The following ERN1 variants were observed in gnomAD, a reference collection of about 807,000 sequenced individuals.
ERN1 encodes serine/threonine-protein kinase/endoribonuclease IRE1.
A neutral mutation model predicts 113.1 loss-of-function variants in ERN1; 39 were observed. The ratio of observed to expected loss-of-function variants is 0.34; its 90% CI spans 0.27 to 0.45. The LOEUF is 0.45. Ranked by LOEUF, ERN1 falls within the 20% of genes least tolerant of loss-of-function variation. The pLI is 1.00. For missense variants in ERN1, 976 were observed against 1,274.8 expected (o/e 0.77, Z 3.57); for synonymous variants, 507 against 515.9 (o/e 0.98, Z 0.23).
Position 64,044,084 on chromosome 17 carries a change from C to G in ERN1, c.2838G>C (p.Arg946=), listed in dbSNP as rs1286426176. Residue 946 remains arginine, a synonymous_variant, in exon 22 of 22, where the codon CGG becomes CGC. Transcript: ENST00000433197. The surrounding 1 kb of genome is among the most constrained non-coding windows in gnomAD (Gnocchi z 4.1). ...RFPHLLAHTY[R]AMELCSHERL... is the part of the protein sequence containing the mutation. The stretch of plus-strand genomic sequence containing the variant: ...TCTCGTGGCTGCACAGCTCCATGGC[C>G]CGGTAGGTGTGTGCGAGGAGGTGGG... The G allele has an allele frequency of 1.2e-6, 2 of 1,613,310 alleles. No homozygotes were observed. The highest frequency in any genetic ancestry group is 2.7e-5 in the African/African-American group (2 of 74,878).
chr17:64,078,653 G>A (rs1913672040), intron 4 of ERN1, among the ~76,000 whole-genome samples: 1 of 152,242 alleles, frequency 6.6e-6, no homozygotes, highest in South Asian at 2.1e-4. Context: ...TAGGGGGGTA[G>A]GAGTCAATAC....
Position 64,100,028 on chromosome 17 carries a change from C to T in ERN1, c.55-1787G>A, listed in dbSNP as rs114212203. On this transcript the variant is annotated intron_variant, in intron 1 of 21. Coordinates refer to ENST00000433197, the MANE Select transcript of ERN1 (RefSeq NM_001433.5). The stretch of plus-strand genomic sequence containing the variant: ...AGGAAATTAATATCAGAGTATAAAT[C>T]GGCCAGGAAAACATAAGCCTCAAGG... Among the ~76,000 whole-genome samples, 569 of 152,292 alleles carry T rather than the reference C, an allele frequency of 3.7e-3. 6 individuals are homozygous for T. Among genetic ancestry groups the T allele is most frequent in the African/African-American group, 0.013 (541 of 41,564 alleles).
intron 2 of ERN1, among the ~76,000 whole-genome samples, chr17:64,081,399 T>G (rs1380528766): frequency 1.3e-5 from 2 of 152,098 alleles, no homozygotes; most frequent in Admixed American, 1.3e-4. Context: ...TAGAAAATGG[T>G]TTTTGTACAA....
chr17:64,114,273 C>A (rs1011122056), intron 1 of ERN1, among the ~76,000 whole-genome samples: 1 of 152,030 alleles, frequency 6.6e-6, no homozygotes, highest in Non-Finnish European at 1.5e-5. Flanking sequence ...TAGGAGACCC[C>A]AGTAATCAAT....
Position 64,124,168 on chromosome 17 carries a change from T to A in ERN1, c.54+5808A>T, listed in dbSNP as rs575248360. Among the ~76,000 whole-genome samples the A allele has an allele frequency of 1.6e-3, 244 of 152,320 alleles. 3 individuals carry two copies. The highest frequency in any genetic ancestry group is 5.6e-3 in the African/African-American group (234 of 41,566). On this transcript the variant is annotated intron_variant, in intron 1 of 21. Coordinates refer to ENST00000433197, the MANE Select transcript of ERN1 (RefSeq NM_001433.5). The stretch of plus-strand genomic sequence containing the variant: ...CATTGCAGGTGGGAATGTAAAATAG[T>A]GCAGCTGCCTTGGAAAACAGTCAGA...
At chr17:64,052,387 C>T (rs1912711397) in intron 17 of ERN1, among the ~76,000 whole-genome samples, 2 of 152,026 alleles carry the variant, frequency 1.3e-5, no homozygotes, top group African/African-American at 4.8e-5. Context: ...TACCTGTAAT[C>T]CTAGCTACTC....
intron 2 of ERN1, among the ~76,000 whole-genome samples, chr17:64,087,328 G>A (rs765256340): frequency 8.5e-5 from 13 of 152,082 alleles, no homozygotes; most frequent in Non-Finnish European, 1.3e-4. Context: ...CAAATCCTCC[G>A]CATGGCATCT....
intron 1 of ERN1, among the ~76,000 whole-genome samples, chr17:64,099,685 C>T (rs117212769): frequency 0.019 from 2,964 of 152,258 alleles, 65 homozygotes; most frequent in Non-Finnish European, 0.022. Context: ...CGGCTACTCT[C>T]GGTAAGAGCC....
rs777889741 is a variant in ERN1 at position 64,043,643 on chromosome 17, C to G, written c.*345G>C. ...TTCCCTCCTCTCCCTTCCTGAAAGG[C>G]CTGTAGACTGACATTAAGCAGGAAT... On this transcript the variant is annotated 3_prime_UTR_variant, in exon 22 of 22. Transcript: ENST00000433197. The G allele has an allele frequency of 6.9e-5, 14 of 201,558 alleles. No individual in the cohort carries two copies. The highest frequency in any genetic ancestry group is 1.4e-4 in the Non-Finnish European group (14 of 100,988). The allele number at this position is 201,558 out of a possible 1,614,324, so 12.5% of individuals were successfully genotyped here.
chr17:64,050,641 G>A (rs1222107682), intron 17 of ERN1, among the ~76,000 whole-genome samples: 1 of 152,120 alleles, frequency 6.6e-6, no homozygotes, highest in Non-Finnish European at 1.5e-5. Context: ...AAGCCTCCAT[G>A]CAGAAGTCAC....
At chr17:64,082,337 A>G (rs906291863) in intron 2 of ERN1, among the ~76,000 whole-genome samples, 1 of 152,128 alleles carries the variant, frequency 6.6e-6, no homozygotes, top group Non-Finnish European at 1.5e-5. Flanking sequence ...CACTCTCACA[A>G]ACAGACTGAT....
intron 8 of ERN1, 81 bp downstream of exon 8, chr17:64,066,590 C>A: frequency 1.3e-6 from 2 of 1,527,816 alleles, no homozygotes; most frequent in Non-Finnish European, 1.8e-6. Context: ...TTTGGCCTCC[C>A]GTGCAGGGCC....
intron 1 of ERN1, among the ~76,000 whole-genome samples, chr17:64,117,281 A>G (rs1167216320): frequency 6.6e-6 from 1 of 151,894 alleles, no homozygotes; most frequent in Non-Finnish European, 1.5e-5. Flanking sequence ...CGTCTCTACT[A>G]AAAATACAAA....
chr17:64,088,586 G>C lies in ERN1; in HGVS notation c.176-7778C>G, dbSNP rs186923795. On this transcript the variant is annotated intron_variant, in intron 2 of 21. Coordinates refer to ENST00000433197, the MANE Select transcript of ERN1 (RefSeq NM_001433.5). ...ACCCTGCTACTAGTAACTTTCTGTT[G>C]AGATGCGCCAAACACATCTCAGAAA... Among the ~76,000 whole-genome samples, 11 of 152,264 alleles carry C rather than the reference G, an allele frequency of 7.2e-5. No individual in the cohort carries two copies. In the East Asian group the frequency reaches 1.7e-3, roughly 24 times the overall value.
chr17:64,074,798 G>GA (rs1460033011), intron 5 of ERN1, among the ~76,000 whole-genome samples: 22 of 152,332 alleles, frequency 1.4e-4, no homozygotes, highest in Admixed American at 2.6e-4. Context: ...CTGATAGCAG[G>GA]AAATACTAAG....
chr17:64,073,095 T>C (rs1913474214), intron 5 of ERN1, among the ~76,000 whole-genome samples: 1 of 150,286 alleles, frequency 6.7e-6, no homozygotes, highest in Non-Finnish European at 1.5e-5. Context: ...AGCCTCAAAC[T>C]CCTGGACTCA....
intron 1 of ERN1, among the ~76,000 whole-genome samples, chr17:64,106,487 T>C (rs58451379): frequency 0.069 from 10,421 of 151,974 alleles, 509 homozygotes; most frequent in African/African-American, 0.12. Context: ...AAAGCACCTA[T>C]CAAAAAAAGC....
At chr17:64,125,050 T>C (rs1183250142) in intron 1 of ERN1, among the ~76,000 whole-genome samples, 2 of 152,202 alleles carry the variant, frequency 1.3e-5, no homozygotes, top group Non-Finnish European at 2.9e-5. Context: ...AAATGGACTG[T>C]GGTGATGACT....
chr17:64,107,724 C>T (rs778561498), intron 1 of ERN1, among the ~76,000 whole-genome samples: 1 of 152,148 alleles, frequency 6.6e-6, no homozygotes, highest in African/African-American at 2.4e-5. Flanking sequence ...TATACAGCCA[C>T]CTGAACAGTG....
Sources: allele counts gnomAD v4.1 joint callset (sites outside exome capture counted in the v4.1 genomes callset), GRCh38; gene constraint gnomAD v4.1.1; non-coding constraint Gnocchi (gnomAD v3.1); transcripts MANE v1.5; gene names NCBI Gene and HGNC (gene_info 2026-07-23, HGNC 2026-07-21).